The following ZNF596 variants were observed in gnomAD, a reference collection of about 807,000 sequenced individuals.
ZNF596 encodes the protein zinc finger protein 596.
ZNF596 carries 45 observed loss-of-function variants against 48.3 expected under a neutral mutation model. The ratio of observed to expected loss-of-function variants is 0.93; its 90% confidence interval spans 0.73 to 1.19. ZNF596 has a LOEUF of 1.19. Among genes scored for constraint, ZNF596 ranks in the 50% most tolerant of loss-of-function variants. ZNF596 has a pLI of 0.00. For missense variants in ZNF596, 848 were observed against 599.7 expected, an observed-to-expected ratio of 1.41 and a Z score of -4.32; for synonymous variants, 270 against 202.0, an observed-to-expected ratio of 1.34 and a Z score of -2.85.
intron 3 of ZNF596, chr8:243,232 C>G: frequency 2.5e-6 from 1 of 395,538 alleles, no homozygotes; most frequent in South Asian, 4.5e-5. Context: ...AGTCATCTTT[C>G]TGACCACAGT....
Position 245,940 on chromosome 8 carries a change from T to C in ZNF596, c.1093T>C (p.Cys365Arg). Residue 365 changes from cysteine to arginine, a missense_variant, in exon 6 of 6, where the codon TGT becomes CGT. Physicochemically the swap from Cys to Arg is radical, Grantham distance 180. Transcript: ENST00000398612. ...RSHNGEKPHGCHLCGKAFTES... is the reference protein window; with the variant it reads ...RSHNGEKPHGRHLCGKAFTES... ...TCACAATGGAGAGAAACCACATGGA[T>C]GTCATCTATGTGGGAAAGCATTCAC... The C allele has an allele frequency of 6.2e-7, 1 of 1,614,180 alleles. No homozygotes were observed. The highest frequency in any genetic ancestry group is 8.5e-7 in the Non-Finnish European group (1 of 1,180,038).
intron 1 of ZNF596, among the ~76,000 whole-genome samples, chr8:233,935 G>A (rs1796526007): frequency 6.6e-6 from 1 of 152,198 alleles, no homozygotes; most frequent in Non-Finnish European, 1.5e-5. Context: ...TTCCTGTGAA[G>A]CTGGTGCTTG....
In ZNF596 at chr8:246,419, AT is replaced by A; in HGVS notation, c.*58del. 6.6e-7 allele frequency: 1 copy of A among 1,516,472 alleles called. No homozygotes were observed. 93.9% of individuals were successfully genotyped at this position (1,516,472 alleles called of 1,614,324 possible). A position where few individuals can be genotyped will look rare whatever the true frequency, so the allele number is the denominator to read the frequency against. ...CACCAAGGACAAACATACTACAGGA[AT>A]ATTATGTCTGTAATCAGTGTGGAAA... is the stretch of plus-strand genomic sequence containing the variant. On this transcript the variant is annotated 3_prime_UTR_variant, in exon 6 of 6. Coordinates refer to ENST00000398612, the MANE Select transcript of ZNF596 (RefSeq NM_001042416.3).
chr8:233,546 G>C (rs78978495), intron 1 of ZNF596: 1 of 150,106 alleles, frequency 6.7e-6, no homozygotes, highest in Non-Finnish European at 1.4e-5. Flanking sequence ...TGTATTTAAT[G>C]GCTGTGGCAT....
In ZNF596 at chr8:245,770, G is replaced by C; in HGVS notation, c.923G>C (p.Gly308Ala). Residue 308 changes from glycine (G) to alanine (A), a missense_variant, in exon 6 of 6, where the codon GGA becomes GCA. By Grantham distance (60) the Gly-to-Ala change is moderately conservative. Coordinates refer to ENST00000398612, the MANE Select transcript of ZNF596 (RefSeq NM_001042416.3). ...ERTHLGDKPY[G>A]CLLCGKAFSK... is the part of the protein sequence containing the mutation. ...ACTCACTTAGGAGATAAACCATATG[G>C]ATGTCTCCTATGTGGGAAGGCTTTC... The C allele has an allele frequency of 6.2e-7, 1 of 1,613,338 alleles. No homozygotes were observed. The highest frequency in any genetic ancestry group is 8.5e-7 in the Non-Finnish European group (1 of 1,179,794).
intron 5 of ZNF596, among the ~76,000 whole-genome samples, 157 bp from the exon 6 acceptor site, chr8:244,997 G>T (rs1025751973): frequency 6.6e-6 from 1 of 152,204 alleles, no homozygotes; most frequent in African/African-American, 2.4e-5. Context: ...CATGCAGTTA[G>T]ATAATATACT....
intron 1 of ZNF596, among the ~76,000 whole-genome samples, chr8:235,249 G>A (rs1253036092): frequency 6.6e-6 from 1 of 152,204 alleles, no homozygotes; most frequent in Non-Finnish European, 1.5e-5. Context: ...AGACCTTGAT[G>A]TTCATAGATT....
intron 2 of ZNF596, among the ~76,000 whole-genome samples, chr8:242,104 G>A (rs1796875865): frequency 6.6e-6 from 1 of 152,112 alleles, no homozygotes; most frequent in African/African-American, 2.4e-5. Flanking sequence ...ATATCACCTG[G>A]TGTTTGAAGA....
chr8:232,440 C>G (rs1279723429), upstream of ZNF596: 1 of 250,436 alleles, frequency 4.0e-6, no homozygotes, highest in Non-Finnish European at 8.5e-6. Flanking sequence ...CTTTTTGTGG[C>G]CAAACCCAGC....
Position 232,613 on chromosome 8 carries a change from T to C in ZNF596, c.-154T>C. The C allele has an allele frequency of 3.0e-6, 1 of 335,314 alleles. No homozygotes were observed. The highest frequency in any genetic ancestry group is 6.1e-6 in the Non-Finnish European group (1 of 163,190). 20.8% of individuals were successfully genotyped at this position (335,314 alleles called of 1,614,324 possible). A position where few individuals can be genotyped will look rare whatever the true frequency, so the allele number is the denominator to read the frequency against. On this transcript the variant is annotated 5_prime_UTR_variant, in exon 1 of 6. Transcript: ENST00000398612. Reference sequence around the variant, plus strand: ...TGCCAGATCTGCGTCTGTGTCCGGTTCCGTCACTGAGGTCGCCCCTGTCCG... The same window carrying C: ...TGCCAGATCTGCGTCTGTGTCCGGTCCCGTCACTGAGGTCGCCCCTGTCCG...
chr8:241,450 T>C (rs915739666), intron 2 of ZNF596, among the ~76,000 whole-genome samples: 24 of 152,180 alleles, frequency 1.6e-4, no homozygotes, highest in Non-Finnish European at 1.0e-4. Flanking sequence ...CTTAATGTCT[T>C]GAGAGAATAA....
In ZNF596 at chr8:244,760, T is replaced by C. The variant is rs923428908; in HGVS notation, c.306+59T>C. On this transcript the variant is annotated intron_variant, in intron 5 of 5. Transcript: ENST00000398612. ...TATAGAAACCTGGACATTAAACAACTTTGGAATTTGGTACAGGTACCTGAC... is the reference window on the plus strand; with the variant it reads ...TATAGAAACCTGGACATTAAACAACCTTGGAATTTGGTACAGGTACCTGAC... 4.2e-6 allele frequency: 6 copies of C among 1,420,712 alleles called. No homozygotes were observed. The African/African-American group carries it at 8.7e-5, about 21-fold the overall frequency. The allele number at this position is 1,420,712 out of a possible 1,614,324, so 88.0% of individuals were successfully genotyped here. A position where few individuals can be genotyped will look rare whatever the true frequency, so the allele number is the denominator to read the frequency against.
rs377080694 is a variant in ZNF596 at position 243,800 on chromosome 8, T to A, written c.218T>A (p.Leu73Gln). 3.0e-5 allele frequency: 48 copies of A among 1,612,502 alleles called. No individual in the cohort carries two copies. The highest frequency in any genetic ancestry group is 3.4e-5 in the Non-Finnish European group (40 of 1,179,140). The change falls in exon 4 of 6, where the codon CTG (leucine) becomes CAG (glutamine). Residue 73 changes from leucine to glutamine, a missense_variant. Leu to Gln is a moderately radical substitution (Grantham distance 113). Transcript: ENST00000398612. ...CTTTCAACACAAAGAATAAGCTTAC[T>A]GCAAGGTGAGCTCTAAGAAGCAGTG... ...EKLSTQRISL[L>Q]QGREVGIKHQ...
At position 245,442 on chromosome 8, in the gene ZNF596, G is replaced by C. The variant is rs575165618; in HGVS notation, c.595G>C (p.Val199Leu). Residue 199 changes from valine to leucine, a missense_variant, in exon 6 of 6, where the codon GTG becomes CTG. Physicochemically the swap from Val to Leu is conservative, Grantham distance 32. Transcript: ENST00000398612. ...HTREITLECR[V>L]CGKTFSKNSN... Reference sequence around the variant, plus strand: ...TAGAGAGATAACATTGGAATGTCGTGTGTGTGGGAAAACCTTTAGCAAAAA... The same window carrying C: ...TAGAGAGATAACATTGGAATGTCGTCTGTGTGGGAAAACCTTTAGCAAAAA... The C allele has an allele frequency of 1.9e-6, 3 of 1,614,164 alleles. No homozygotes were observed. Among genetic ancestry groups the C allele is most frequent in the Non-Finnish European group, 2.5e-6 (3 of 1,180,016 alleles).
Position 246,268 on chromosome 8 carries a change from C to T in ZNF596, c.1421C>T (p.Pro474Leu), listed in dbSNP as rs1036276265. The change falls in exon 6 of 6, where the codon CCA (proline) becomes CTA (leucine). Residue 474 changes from proline (P) to leucine (L), a missense_variant. Coordinates refer to ENST00000398612, the MANE Select transcript of ZNF596 (RefSeq NM_001042416.3). ...LHRRVHTGEKPYVCPLCGKAF... is the reference protein window; with the variant it reads ...LHRRVHTGEKLYVCPLCGKAF... ...AGAAGAGTTCACACTGGAGAGAAACCATATGTATGTCCTCTATGTGGGAAA... is the reference window on the plus strand; with the variant it reads ...AGAAGAGTTCACACTGGAGAGAAACTATATGTATGTCCTCTATGTGGGAAA... The T allele has an allele frequency of 6.2e-7, 1 of 1,613,060 alleles. No individual in the cohort carries two copies. Among genetic ancestry groups the T allele is most frequent in the African/African-American group, 1.3e-5 (1 of 74,986 alleles).
At chr8:243,093 C>G in intron 3 of ZNF596, 80 bp downstream of exon 3, 1 of 1,366,514 alleles carries the variant, frequency 7.3e-7, no homozygotes, top group Non-Finnish European at 9.9e-7. Flanking sequence ...TTCTTTCATT[C>G]TACACGTGCT....
rs773451349 is a variant in ZNF596, at chr8:243,762, G to C, written c.180G>C (p.Glu60Asp). Residue 60 changes from glutamate (E) to aspartate (D), a missense_variant, in exon 4 of 6, where the codon GAG becomes GAC. Transcript: ENST00000398612. ...AATCAGTTGTGCTTTCCCAATTGGA[G>C]CAAGTAGAGAAACTTTCAACACAAA... ...LCKSVVLSQLEQVEKLSTQRI... is the reference protein window; with the variant it reads ...LCKSVVLSQLDQVEKLSTQRI... 6 of 1,613,820 alleles carry C rather than the reference G, an allele frequency of 3.7e-6. No individual in the cohort carries two copies. The South Asian group carries it at 6.6e-5, about 18-fold the overall frequency.
intron 2 of ZNF596, among the ~76,000 whole-genome samples, chr8:241,655 C>T (rs1796857935): frequency 6.6e-6 from 1 of 152,006 alleles, no homozygotes; most frequent in Admixed American, 6.6e-5. Flanking sequence ...AGTGGAGAGA[C>T]CAGGACAATC....
intron 1 of ZNF596, among the ~76,000 whole-genome samples, chr8:238,957 GA>G (rs915380984): frequency 1.5e-4 from 23 of 152,060 alleles, no homozygotes; most frequent in African/African-American, 5.5e-4. Flanking sequence ...TATCAACAAA[GA>G]AAAACCATAA....
Sources: allele counts gnomAD v4.1 joint callset (sites outside exome capture counted in the v4.1 genomes callset), GRCh38; gene constraint gnomAD v4.1.1; transcripts MANE v1.5; gene names NCBI Gene and HGNC (gene_info 2026-07-23, HGNC 2026-07-21).